The following RIMS1 variants were observed in gnomAD, a reference collection of about 807,000 sequenced individuals.
The protein encoded by RIMS1 is regulating synaptic membrane exocytosis 1.
Under a neutral mutation model 214.1 loss-of-function variants are expected in RIMS1, and 83 were observed. The observed-to-expected ratio is 0.39, with a 90% CI of 0.32 to 0.47. The LOEUF is 0.47. Ranked by LOEUF, RIMS1 falls within the 20% of genes least tolerant of loss-of-function variation. The probability of loss-of-function intolerance (pLI) is 0.99; values close to 1 mark genes in which losing one functional copy is unlikely to be tolerated. For synonymous variants in RIMS1, 793 were observed against 786.8 expected (o/e 1.01, Z -0.13); for missense variants, 2,050 against 2,161.8 (o/e 0.95, Z 1.03).
At chr6:72,312,550 T>G (rs551100391) in intron 27 of RIMS1, among the ~76,000 whole-genome samples, 2 of 152,260 alleles carry the variant, frequency 1.3e-5, no homozygotes, top group African/African-American at 4.8e-5. Context: ...TATTTGATGA[T>G]TCCTAAAATT....
At chr6:71,902,534 T>C (rs1773975607) in intron 1 of RIMS1, among the ~76,000 whole-genome samples, 1 of 152,126 alleles carries the variant, frequency 6.6e-6, no homozygotes, top group Non-Finnish European at 1.5e-5. Context: ...TTTCTTTTTT[T>C]CTTCAACAGT....
At chr6:72,112,369 A>G (rs2153821139) in intron 4 of RIMS1, among the ~76,000 whole-genome samples, 1 of 152,202 alleles carries the variant, frequency 6.6e-6, no homozygotes, top group African/African-American at 2.4e-5. Context: ...AATTGTTTGA[A>G]TGTGTAAACC....
In RIMS1 at chr6:72,155,167, C is replaced by G. The variant is rs889828177; in HGVS notation, c.472-24408C>G. On this transcript the variant is annotated intron_variant, in intron 4 of 33. Transcript: ENST00000521978. Reference sequence around the variant, plus strand: ...CCAGGCCTGTGATGAGAGGAGCTGCCGTGAAGTCCTCTAACATGCCCTGGA... The same window carrying G: ...CCAGGCCTGTGATGAGAGGAGCTGCGGTGAAGTCCTCTAACATGCCCTGGA... Among the ~76,000 whole-genome samples the G allele has an allele frequency of 1.4e-5, 2 of 140,704 alleles. 1 individual carries two copies. The highest frequency in any genetic ancestry group is 4.0e-4 in the East Asian group (2 of 4,954). 92.3% of individuals were successfully genotyped at this position (140,704 alleles called of 152,430 possible).
Position 72,034,356 on chromosome 6 carries a change from C to T in RIMS1, c.246-62593C>T, listed in dbSNP as rs534874114. 1.5e-4 allele frequency among the ~76,000 whole-genome samples: 23 copies of T among 152,082 alleles called. 1 individual carries two copies. In the South Asian group the frequency reaches 4.2e-3, roughly 27 times the overall value. ...ACTTATTTGCTAAATCTGTCAATCC[C>T]GCTTATTAATAATAAAAAGCAAATT... On this transcript the variant is annotated intron_variant, in intron 2 of 33. Coordinates refer to ENST00000521978, the MANE Select transcript of RIMS1 (RefSeq NM_014989.7).
intron 6 of RIMS1, among the ~76,000 whole-genome samples, chr6:72,218,492 A>G: frequency 6.6e-6 from 1 of 152,236 alleles, no homozygotes. Flanking sequence ...TGGCAAAAAT[A>G]TGAATCAGAT....
intron 12 of RIMS1, among the ~76,000 whole-genome samples, chr6:72,249,440 G>A (rs1406381087): frequency 1.3e-5 from 2 of 152,170 alleles, no homozygotes; most frequent in African/African-American, 4.8e-5. Context: ...TTTGTGTATT[G>A]TATCCTTAGT....
chr6:72,117,047 A>C (rs2037221821), intron 4 of RIMS1, among the ~76,000 whole-genome samples: 1 of 151,938 alleles, frequency 6.6e-6, no homozygotes, highest in African/African-American at 2.4e-5. Context: ...GATTTGCTCT[A>C]TGCTTGTCTT....
At chr6:71,950,975 T>TATAACA (rs1789302007) in intron 1 of RIMS1, among the ~76,000 whole-genome samples, 2 of 152,208 alleles carry the variant, frequency 1.3e-5, no homozygotes, top group Non-Finnish European at 2.9e-5. Context: ...TTATAACATT[T>TATAACA]TAGATGAGAA....
intron 22 of RIMS1, among the ~76,000 whole-genome samples, chr6:72,267,448 G>T (rs891137939): frequency 1.3e-5 from 2 of 152,014 alleles, no homozygotes; most frequent in Non-Finnish European, 1.5e-5. Flanking sequence ...TTAATATTTC[G>T]TAGTAGCCAT....
At chr6:72,287,532 A>G (rs2092559663) in intron 24 of RIMS1, among the ~76,000 whole-genome samples, 1 of 152,136 alleles carries the variant, frequency 6.6e-6, no homozygotes, top group Non-Finnish European at 1.5e-5. Flanking sequence ...TTAGATACAT[A>G]CTTGAAGATG....
intron 28 of RIMS1, among the ~76,000 whole-genome samples, chr6:72,320,759 A>T (rs2096105286): frequency 6.6e-6 from 1 of 152,074 alleles, no homozygotes. Context: ...TTTAAATAGC[A>T]TTATATAGAT....
chr6:72,249,833 G>C (rs1307966160), intron 12 of RIMS1, among the ~76,000 whole-genome samples: 2 of 151,820 alleles, frequency 1.3e-5, no homozygotes, highest in African/African-American at 4.8e-5. Context: ...GTATAAAATA[G>C]GCCCACAGTA....
At chr6:71,892,445 G>C (rs892605088) in intron 1 of RIMS1, among the ~76,000 whole-genome samples, 1 of 152,130 alleles carries the variant, frequency 6.6e-6, no homozygotes, top group Non-Finnish European at 1.5e-5. Context: ...TTAAAGGAGT[G>C]AGAGAGGAGC....
intron 1 of RIMS1, among the ~76,000 whole-genome samples, chr6:71,888,141 G>A (rs964210104): frequency 3.9e-5 from 6 of 152,204 alleles, no homozygotes; most frequent in Admixed American, 2.6e-4. Flanking sequence ...GCTGCTGCTT[G>A]CCTCAGACAA....
intron 26 of RIMS1, among the ~76,000 whole-genome samples, chr6:72,292,980 C>T (rs1283439817): frequency 1.3e-5 from 2 of 151,652 alleles, no homozygotes; most frequent in Non-Finnish European, 2.9e-5. Context: ...ATTGAGGGTA[C>T]GGGGGTACAT....
chr6:72,069,789 A>G (rs17780596), intron 2 of RIMS1, among the ~76,000 whole-genome samples: 1 of 152,184 alleles, frequency 6.6e-6, no homozygotes, highest in Non-Finnish European at 1.5e-5. Flanking sequence ...TGAAAAGTTC[A>G]TCTTAGATCA....
intron 1 of RIMS1, among the ~76,000 whole-genome samples, chr6:71,893,453 AT>A (rs1770611833): frequency 6.6e-6 from 1 of 152,148 alleles, no homozygotes; most frequent in Admixed American, 6.5e-5. Context: ...GCTTGGGGTA[AT>A]TTCCTCATCT....
intron 17 of RIMS1, 32 bp downstream of exon 17, chr6:72,258,313 CA>C: frequency 6.3e-7 from 1 of 1,586,372 alleles, no homozygotes; most frequent in Non-Finnish European, 8.6e-7. Flanking sequence ...GTGTCCCTGA[CA>C]GTACATTTTT....
In RIMS1 at chr6:72,251,287, T is replaced by C. The variant is rs1170905918; in HGVS notation, c.2617T>C (p.Ser873Pro). The C allele has an allele frequency of 3.1e-6, 5 of 1,599,256 alleles. No homozygotes were observed. The highest frequency in any genetic ancestry group is 1.7e-5 in the Admixed American group (1 of 58,322). ...HWYKLQTHDE[S>P]SLPLPQPSPF... Reference sequence around the variant, plus strand: ...GTATAAACTTCAGACACATGATGAGTCTTCACTACCTCTGCCTCAGCCATC... The same window carrying C: ...GTATAAACTTCAGACACATGATGAGCCTTCACTACCTCTGCCTCAGCCATC... The change falls in exon 15 of 34, where the codon TCT (serine) becomes CCT (proline). Residue 873 changes from serine (S) to proline (P), a missense_variant. Ser to Pro is a moderately conservative substitution (Grantham distance 74). Around this residue, in one of 6 missense-constraint regions of RIMS1, gnomAD observed 889 missense variants for 885.5 expected, o/e 1.00. Coordinates refer to ENST00000521978, the MANE Select transcript of RIMS1 (RefSeq NM_014989.7).
Sources: gnomAD v4.1 joint callset for allele counts (sites outside exome capture counted in the v4.1 genomes callset) on GRCh38, gnomAD v4.1.1 for gene constraint, gnomAD v4.1.1 regional missense constraint, MANE v1.5 for transcripts, NCBI Gene and HGNC (gene_info 2026-07-23, HGNC 2026-07-21) for gene names.